Variants in TLN2 observed in about 807,000 individuals in gnomAD.
TLN2 encodes the protein talin-2.
TLN2 carries 118 observed loss-of-function variants against 294.7 expected under a neutral mutation model. The ratio of observed to expected loss-of-function variants is 0.40; its 90% CI spans 0.34 to 0.47. The LOEUF is 0.47. Among genes scored for constraint, TLN2 ranks in the 20% least tolerant of loss-of-function variants. The probability of loss-of-function intolerance (pLI) is 0.84; values close to 1 mark genes in which losing one functional copy is unlikely to be tolerated. For synonymous variants in TLN2, 1,431 were observed against 1,304.5 expected (o/e 1.10, Z -2.09); for missense variants, 3,083 against 3,282.2 (o/e 0.94, Z 1.48).
Position 62,820,543 on chromosome 15 carries a change from G to A in TLN2, c.6935G>A (p.Gly2312Glu). The A allele has an allele frequency of 1.2e-6, 2 of 1,613,948 alleles. No individual in the cohort carries two copies. The highest frequency in any genetic ancestry group is 1.7e-6 in the Non-Finnish European group (2 of 1,179,928). The change falls in exon 54 of 59, where the codon GGG becomes GAG. Residue 2312 changes from glycine (G) to glutamate (E), a missense_variant. By Grantham distance (98) the Gly-to-Glu change is moderately conservative. Coordinates refer to ENST00000636159, the MANE Select transcript of TLN2 (RefSeq NM_015059.3). The stretch of plus-strand genomic sequence containing the variant: ...GTCATTGCAGAAACAGAGTTACTGG[G>A]GGCTGCAGCATCCATCGAAGCTGCT... The part of the protein sequence containing the change: ...PTVIAETELL[G>E]AAASIEAAAK...
At chr15:62,654,886 G>A (rs1408398375) in intron 7 of TLN2, among the ~76,000 whole-genome samples, 1 of 150,408 alleles carries the variant, frequency 6.6e-6, no homozygotes, top group Non-Finnish European at 1.5e-5. Context: ...CATGCTGTTT[G>A]CACCTTGCTG....
At chr15:62,822,130 A>AG (rs2067623869) in intron 54 of TLN2, among the ~76,000 whole-genome samples, 1 of 152,088 alleles carries the variant, frequency 6.6e-6, no homozygotes, top group Non-Finnish European at 1.5e-5. Flanking sequence ...GGTCCTTCTG[A>AG]GCTCTTGTCT....
intron 1 of TLN2, among the ~76,000 whole-genome samples, chr15:62,570,559 C>T (rs953761978): frequency 2.6e-5 from 4 of 151,788 alleles, no homozygotes; most frequent in Admixed American, 1.3e-4. Flanking sequence ...TCTCTCTTTC[C>T]CTCCCCTCTC....
At chr15:62,609,887 A>C (rs2047771455) in intron 2 of TLN2, among the ~76,000 whole-genome samples, 1 of 152,172 alleles carries the variant, frequency 6.6e-6, no homozygotes, top group African/African-American at 2.4e-5. Flanking sequence ...TATTTTATTC[A>C]TCAAGCTATA....
chr15:62,547,301 A>G (rs1170893505), intron 1 of TLN2, among the ~76,000 whole-genome samples: 1 of 152,206 alleles, frequency 6.6e-6, no homozygotes, highest in Non-Finnish European at 1.5e-5. Flanking sequence ...GTCATGCCAC[A>G]CATACAAAAG....
intron 3 of TLN2, among the ~76,000 whole-genome samples, chr15:62,631,937 A>C (rs993242673): frequency 1.1e-4 from 16 of 151,970 alleles, no homozygotes; most frequent in African/African-American, 3.9e-4. Context: ...ATGATGATAA[A>C]ATCTGTCAAC....
intron 2 of TLN2, among the ~76,000 whole-genome samples, chr15:62,596,888 C>G (rs780175727): frequency 6.6e-6 from 1 of 152,136 alleles, no homozygotes; most frequent in Non-Finnish European, 1.5e-5. Flanking sequence ...CTTAGAGCAA[C>G]TACTTTTTTT....
chr15:62,632,227 C>T (rs1297603905), intron 3 of TLN2, among the ~76,000 whole-genome samples: 1 of 152,240 alleles, frequency 6.6e-6, no homozygotes, highest in Non-Finnish European at 1.5e-5. Flanking sequence ...TAAAGTTGAG[C>T]AGCTCTTGCT....
intron 1 of TLN2, among the ~76,000 whole-genome samples, chr15:62,480,462 G>A (rs1272963612): frequency 6.6e-6 from 1 of 152,094 alleles, no homozygotes; most frequent in Non-Finnish European, 1.5e-5. Flanking sequence ...GGCCTCAAGT[G>A]ATAACAGCCA....
At position 62,835,945 on chromosome 15, in the gene TLN2, G is replaced by A. The variant is rs774015869; in HGVS notation, c.7246G>A (p.Val2416Ile). 35 of 1,614,082 alleles carry A rather than the reference G, an allele frequency of 2.2e-5. No homozygotes were observed. The highest frequency in any genetic ancestry group is 1.7e-4 in the Admixed American group (10 of 60,016). ...SSLCEAANAS[V>I]QGHASEEKLI... ...TCTCTGTGAGGCGGCCAATGCCTCC[G>A]TTCAGGGACACGCCAGCGAGGAGAA... Residue 2416 changes from valine to isoleucine, a missense_variant, in exon 57 of 59, where the codon GTT (valine) becomes ATT (isoleucine). Physicochemically the swap from Val to Ile is conservative, Grantham distance 29. Coordinates refer to ENST00000636159, the MANE Select transcript of TLN2 (RefSeq NM_015059.3).
At chr15:62,631,517 T>C (rs1020913630) in intron 3 of TLN2, among the ~76,000 whole-genome samples, 16 of 100,542 alleles carry the variant, frequency 1.6e-4, no homozygotes, top group East Asian at 9.3e-4. Context: ...TTTCTTTCTT[T>C]CTTCCTTTCC....
intron 12 of TLN2, among the ~76,000 whole-genome samples, chr15:62,692,007 G>T (rs376447745): frequency 1.3e-5 from 2 of 152,158 alleles, no homozygotes; most frequent in African/African-American, 2.4e-5. Flanking sequence ...GAAATATTCT[G>T]TTATAGCAGG....
chr15:62,509,205 G>A (rs890337920), intron 1 of TLN2, among the ~76,000 whole-genome samples: 44 of 152,180 alleles, frequency 2.9e-4, no homozygotes, highest in African/African-American at 9.7e-4. Flanking sequence ...GATGGCTTTG[G>A]AGTGGTTCAG....
At chr15:62,579,110 T>C (rs2044692538) in intron 1 of TLN2, among the ~76,000 whole-genome samples, 1 of 152,026 alleles carries the variant, frequency 6.6e-6, no homozygotes, top group Non-Finnish European at 1.5e-5. Flanking sequence ...CTGAGGAGAA[T>C]TAATTTTCAC....
At chr15:62,588,792 T>C (rs1194123278) in intron 1 of TLN2, among the ~76,000 whole-genome samples, 1 of 148,810 alleles carries the variant, frequency 6.7e-6, no homozygotes, top group South Asian at 2.1e-4. Flanking sequence ...GTAACAATTT[T>C]TTTAATCTAA....
chr15:62,760,166 C>T (rs1438684089), intron 37 of TLN2, among the ~76,000 whole-genome samples: 26 of 152,116 alleles, frequency 1.7e-4, no homozygotes, highest in Admixed American at 1.7e-3. Flanking sequence ...AGGGTCAGGG[C>T]CTGTCTGGTG....
chr15:62,745,679 T>C (rs1003222833), intron 32 of TLN2, among the ~76,000 whole-genome samples: 1 of 152,236 alleles, frequency 6.6e-6, no homozygotes, highest in Non-Finnish European at 1.5e-5. Context: ...CAGGATTCCC[T>C]TGAGGGCTGT....
At chr15:62,537,058 G>A (rs1439647790) in intron 1 of TLN2, among the ~76,000 whole-genome samples, 4 of 149,972 alleles carry the variant, frequency 2.7e-5, no homozygotes, top group Middle Eastern at 3.5e-3. Context: ...TTGCTCTGTC[G>A]CCCAGGCTGG....
chr15:62,481,821 G>A (rs1387106134), intron 1 of TLN2, among the ~76,000 whole-genome samples: 7 of 130,124 alleles, frequency 5.4e-5, no homozygotes, highest in Non-Finnish European at 9.4e-5. Context: ...TTTTTAAGAC[G>A]GAGTCTCTCT....
Sources: allele counts gnomAD v4.1 joint callset (sites outside exome capture counted in the v4.1 genomes callset), GRCh38; gene constraint gnomAD v4.1.1; transcripts MANE v1.5; gene names NCBI Gene and HGNC (gene_info 2026-07-23, HGNC 2026-07-21).